ARHGAP15: variants seen among roughly 807,000 people sequenced by gnomAD.
The protein encoded by ARHGAP15 is rho GTPase-activating protein 15.
Under a neutral mutation model 63.7 loss-of-function variants are expected in ARHGAP15, and 51 were observed. The ratio of observed to expected loss-of-function variants is 0.80; its 90% confidence interval spans 0.64 to 1.01. ARHGAP15 has a LOEUF of 1.01. ARHGAP15 is among the 50% of genes least tolerant of loss of function. The pLI is 0.00. For missense variants in ARHGAP15, 560 were observed against 564.6 expected, an observed-to-expected ratio of 0.99 and a Z score of 0.08; for synonymous variants, 191 against 193.8, an observed-to-expected ratio of 0.99 and a Z score of 0.12.
At chr2:143,737,014 CATA>C (rs1685770899) in intron 13 of ARHGAP15, among the ~76,000 whole-genome samples, 1 of 152,326 alleles carries the variant, frequency 6.6e-6, no homozygotes, top group South Asian at 2.1e-4. Flanking sequence ...CATCAGTTTA[CATA>C]ATATTTAATT....
chr2:143,159,993 G>T (rs199746907), intron 2 of ARHGAP15, among the ~76,000 whole-genome samples: 4 of 151,806 alleles, frequency 2.6e-5, no homozygotes, highest in Non-Finnish European at 5.9e-5. Flanking sequence ...TTATTTTCTC[G>T]TAGCGAGTGG....
chr2:143,346,870 T>C (rs905944755), intron 6 of ARHGAP15, among the ~76,000 whole-genome samples: 1 of 152,072 alleles, frequency 6.6e-6, no homozygotes, highest in Admixed American at 6.6e-5. Flanking sequence ...AACTGACACA[T>C]ATAAAAATGA....
chr2:143,213,300 G>A (rs1692626532), intron 3 of ARHGAP15, among the ~76,000 whole-genome samples: 1 of 152,124 alleles, frequency 6.6e-6, no homozygotes, highest in Non-Finnish European at 1.5e-5. Flanking sequence ...GATCACCTGA[G>A]GTCGAGAGTT....
chr2:143,602,184 A>G (rs928812388), intron 11 of ARHGAP15, among the ~76,000 whole-genome samples: 1 of 152,216 alleles, frequency 6.6e-6, no homozygotes, highest in African/African-American at 2.4e-5. Flanking sequence ...GTTGTCATGT[A>G]CACGTTACAA....
intron 2 of ARHGAP15, among the ~76,000 whole-genome samples, chr2:143,162,783 A>G (rs1690350292): frequency 6.6e-6 from 1 of 152,032 alleles, no homozygotes; most frequent in Non-Finnish European, 1.5e-5. Flanking sequence ...ATTTATGGCA[A>G]ACTCCCAAGG....
chr2:143,231,506 T>C lies in ARHGAP15; in HGVS notation c.384+2838T>C, dbSNP rs115807329. 8.7e-3 allele frequency among the ~76,000 whole-genome samples: 1,327 copies of C among 152,350 alleles called. 26 individuals are homozygous for C. The highest frequency in any genetic ancestry group is 0.03 in the African/African-American group (1,258 of 41,578). On this transcript the variant is annotated intron_variant, in intron 5 of 13. Coordinates refer to ENST00000295095, the MANE Select transcript of ARHGAP15 (RefSeq NM_018460.4). ...ATTTAGGGCTCTAGATGTTAACCTC[T>C]TGAATGTCCATACAAAGTTTCCCGG...
rs114132768 is a variant in ARHGAP15 at position 143,737,405 on chromosome 2, T to C, written c.1245-30584T>C. 5.2e-3 allele frequency among the ~76,000 whole-genome samples: 787 copies of C among 152,370 alleles called. 1 individual carries two copies. The highest frequency in any genetic ancestry group is 7.7e-3 in the Non-Finnish European group (525 of 68,038). ...CATGCCTTATAGAATTGTTTTGTTATTCTATAGTCATAACCATGTATTGGG... is the reference window on the plus strand; with the variant it reads ...CATGCCTTATAGAATTGTTTTGTTACTCTATAGTCATAACCATGTATTGGG... On this transcript the variant is annotated intron_variant, in intron 13 of 13. Transcript: ENST00000295095.
intron 12 of ARHGAP15, among the ~76,000 whole-genome samples, chr2:143,673,399 G>T (rs1298528535): frequency 6.6e-6 from 1 of 152,042 alleles, no homozygotes; most frequent in East Asian, 1.9e-4. Flanking sequence ...CTGGGTTCAA[G>T]CAATTCTCCT....
chr2:143,461,299 A>AG (rs1405802859), intron 8 of ARHGAP15, among the ~76,000 whole-genome samples: 1 of 150,910 alleles, frequency 6.6e-6, no homozygotes, highest in African/African-American at 2.4e-5. Flanking sequence ...AAAAAAAAAA[A>AG]AAAAAAACAG....
At chr2:143,661,654 C>T (rs1681785403) in intron 12 of ARHGAP15, among the ~76,000 whole-genome samples, 1 of 152,176 alleles carries the variant, frequency 6.6e-6, no homozygotes, top group African/African-American at 2.4e-5. Context: ...GCATTTCCAT[C>T]TGAGGTACCG....
chr2:143,667,066 C>T (rs1268359993), intron 12 of ARHGAP15, among the ~76,000 whole-genome samples: 1 of 150,872 alleles, frequency 6.6e-6, no homozygotes, highest in Non-Finnish European at 1.5e-5. Flanking sequence ...CATCCCATTA[C>T]TGGGTATATA....
intron 9 of ARHGAP15, among the ~76,000 whole-genome samples, chr2:143,491,922 C>T (rs1445056702): frequency 6.6e-6 from 1 of 152,104 alleles, no homozygotes; most frequent in African/African-American, 2.4e-5. Flanking sequence ...CACTCTGTCA[C>T]CCAGGCTGGA....
At chr2:143,631,992 AT>A (rs1452158153) in intron 12 of ARHGAP15, among the ~76,000 whole-genome samples, 1 of 151,652 alleles carries the variant, frequency 6.6e-6, no homozygotes, top group African/African-American at 2.4e-5. Context: ...AAGGTGTCTA[AT>A]TTTTCTCTAG....
chr2:143,213,109 T>C (rs1323109542), intron 3 of ARHGAP15, among the ~76,000 whole-genome samples: 2 of 152,214 alleles, frequency 1.3e-5, no homozygotes, highest in Non-Finnish European at 2.9e-5. Flanking sequence ...AATTGTCCTA[T>C]TAATCTTTCC....
At chr2:143,215,892 G>A (rs1020275142) in intron 3 of ARHGAP15, among the ~76,000 whole-genome samples, 2 of 152,150 alleles carry the variant, frequency 1.3e-5, no homozygotes, top group Admixed American at 6.5e-5. Context: ...GGGTATCTTG[G>A]CAATTGACCA....
intron 6 of ARHGAP15, among the ~76,000 whole-genome samples, chr2:143,402,910 A>G (rs1358749674): frequency 1.3e-5 from 2 of 151,858 alleles, no homozygotes; most frequent in African/African-American, 2.4e-5. Flanking sequence ...GGACATTTCT[A>G]GAGGACAACC....
At chr2:143,335,391 C>G (rs913577971) in intron 6 of ARHGAP15, among the ~76,000 whole-genome samples, 1 of 151,966 alleles carries the variant, frequency 6.6e-6, no homozygotes, top group African/African-American at 2.4e-5. Flanking sequence ...ATGTGAAAAC[C>G]GTTTTAGATG....
intron 11 of ARHGAP15, among the ~76,000 whole-genome samples, chr2:143,593,668 G>T (rs1280448512): frequency 6.6e-6 from 1 of 152,086 alleles, no homozygotes; most frequent in African/African-American, 2.4e-5. Context: ...GGGCAATGAA[G>T]TAAAATCTGT....
chr2:143,229,745 A>G (rs1174804633), intron 5 of ARHGAP15, among the ~76,000 whole-genome samples: 2 of 152,194 alleles, frequency 1.3e-5, no homozygotes, highest in Admixed American at 6.5e-5. Context: ...TGTGTTTGCT[A>G]TGTAATCCTC....
Sources: gnomAD v4.1 joint callset for allele counts (sites outside exome capture counted in the v4.1 genomes callset) on GRCh38, gnomAD v4.1.1 for gene constraint, MANE v1.5 for transcripts, NCBI Gene and HGNC (gene_info 2026-07-23, HGNC 2026-07-21) for gene names.